The following GLDC variants were observed in gnomAD, a reference collection of about 807,000 sequenced individuals.
GLDC encodes glycine decarboxylase.
In GLDC, 104 loss-of-function variants were observed where a neutral mutation model predicts 121.3. That is an observed-to-expected ratio of 0.86 (90% confidence interval 0.73 to 1.01). The LOEUF (loss-of-function observed/expected upper bound fraction) is 1.01. GLDC is among the 50% of genes least tolerant of loss of function. The pLI, the probability that GLDC is intolerant of heterozygous loss-of-function variation, is 0.00. For missense variants in GLDC, 1,429 were observed against 1,306.6 expected, an observed-to-expected ratio of 1.09 and a Z score of -1.44; for synonymous variants, 546 against 480.6, an observed-to-expected ratio of 1.14 and a Z score of -1.78.
chr9:6,612,942 G>C (rs1331622585), intron 3 of GLDC, among the ~76,000 whole-genome samples: 2 of 152,178 alleles, frequency 1.3e-5, no homozygotes, highest in African/African-American at 2.4e-5. Flanking sequence ...ACTCCCGCCT[G>C]GGTGACGGGA....
At chr9:6,543,289 G>A (rs976656272) in intron 21 of GLDC, among the ~76,000 whole-genome samples, 1 of 152,088 alleles carries the variant, frequency 6.6e-6, no homozygotes, top group Non-Finnish European at 1.5e-5. Flanking sequence ...AAAACAAAAT[G>A]CCCTGATTGT....
chr9:6,561,914 C>T (rs1817767220), intron 16 of GLDC, among the ~76,000 whole-genome samples: 1 of 152,082 alleles, frequency 6.6e-6, no homozygotes, highest in African/African-American at 2.4e-5. Flanking sequence ...AACCAAAGGC[C>T]ACTACTTTGT....
At chr9:6,636,032 C>T (rs1325663714) in intron 2 of GLDC, among the ~76,000 whole-genome samples, 1 of 152,000 alleles carries the variant, frequency 6.6e-6, no homozygotes, top group Non-Finnish European at 1.5e-5. Flanking sequence ...AGGCCAGGCG[C>T]AGTGGCTCAC....
At chr9:6,563,730 G>C (rs1320995996) in intron 16 of GLDC, among the ~76,000 whole-genome samples, 1 of 152,214 alleles carries the variant, frequency 6.6e-6, no homozygotes, top group Non-Finnish European at 1.5e-5. Context: ...TTCAGGGTCT[G>C]TGTCTGTCTG....
intron 16 of GLDC, among the ~76,000 whole-genome samples, chr9:6,559,844 G>T (rs1396975769): frequency 6.6e-6 from 1 of 151,884 alleles, no homozygotes; most frequent in Non-Finnish European, 1.5e-5. Context: ...AAATAAAAAT[G>T]ACCAACCCCT....
At chr9:6,640,892 A>G (rs1014427765) in intron 2 of GLDC, among the ~76,000 whole-genome samples, 3 of 152,228 alleles carry the variant, frequency 2.0e-5, no homozygotes, top group African/African-American at 7.2e-5. Context: ...AAGGAAAGCT[A>G]AAACCACTAA....
intron 2 of GLDC, among the ~76,000 whole-genome samples, chr9:6,630,017 T>A (rs907841177): frequency 1.5e-4 from 21 of 137,710 alleles, no homozygotes; most frequent in African/African-American, 6.1e-4. Flanking sequence ...TTCAAACTCC[T>A]GAACTCAAGC....
intron 16 of GLDC, among the ~76,000 whole-genome samples, chr9:6,564,217 C>T (rs1456240569): frequency 6.7e-6 from 1 of 149,906 alleles, no homozygotes; most frequent in African/African-American, 2.5e-5. Flanking sequence ...CATTGCACTC[C>T]AGCCTGGGGA....
At chr9:6,575,872 G>C (rs1445225848) in intron 15 of GLDC, among the ~76,000 whole-genome samples, 1 of 152,210 alleles carries the variant, frequency 6.6e-6, no homozygotes, top group African/African-American at 2.4e-5. Flanking sequence ...TGGAGAAAAA[G>C]CTGAAGCAAG....
At chr9:6,598,203 CT>C (rs144626062) in intron 8 of GLDC, among the ~76,000 whole-genome samples, 3,538 of 151,984 alleles carry the variant, frequency 0.023, 135 homozygotes, top group African/African-American at 0.08. Flanking sequence ...AATTTTTGTA[CT>C]TTTTTTATAT....
intron 8 of GLDC, among the ~76,000 whole-genome samples, chr9:6,600,748 C>T (rs1263224585): frequency 6.6e-6 from 1 of 152,094 alleles, no homozygotes; most frequent in Non-Finnish European, 1.5e-5. Flanking sequence ...GAGTGGGCCT[C>T]CAACTGATCC....
chr9:6,634,134 C>T (rs1009253896), intron 2 of GLDC, among the ~76,000 whole-genome samples: 4 of 151,848 alleles, frequency 2.6e-5, no homozygotes, highest in African/African-American at 7.3e-5. Context: ...CCGGCAGAGG[C>T]GGGAGAATCT....
chr9:6,592,313 T>G (rs1157740804), intron 10 of GLDC, 90 bp from the exon 11 acceptor site: 4 of 817,324 alleles, frequency 4.9e-6, no homozygotes, highest in Non-Finnish European at 8.5e-6. Context: ...GAGACAGTGC[T>G]AAACAAAATC....
At chr9:6,601,514 G>A (rs140220400) in intron 8 of GLDC, among the ~76,000 whole-genome samples, 54 of 151,884 alleles carry the variant, frequency 3.6e-4, no homozygotes, top group African/African-American at 1.3e-3. Flanking sequence ...AACAAATAAT[G>A]CTTTTTATTT....
At chr9:6,543,821 A>G (rs1817325086) in intron 21 of GLDC, among the ~76,000 whole-genome samples, 2 of 151,630 alleles carry the variant, frequency 1.3e-5, no homozygotes, top group African/African-American at 4.9e-5. Context: ...TTAACAGAGT[A>G]GGTGTTTCTG....
intron 2 of GLDC, among the ~76,000 whole-genome samples, chr9:6,641,427 G>A (rs2130018536): frequency 6.6e-6 from 1 of 152,320 alleles, no homozygotes; most frequent in South Asian, 2.1e-4. Context: ...GGATATTCCA[G>A]GTGAGTCAGG....
chr9:6,634,332 C>T (rs1012686498), intron 2 of GLDC, among the ~76,000 whole-genome samples: 1 of 151,980 alleles, frequency 6.6e-6, no homozygotes, highest in Non-Finnish European at 1.5e-5. Flanking sequence ...AGTTCAAGAC[C>T]AGCCTGGGCA....
At chr9:6,614,727 C>A (rs114943812) in intron 3 of GLDC, among the ~76,000 whole-genome samples, 1,972 of 152,152 alleles carry the variant, frequency 0.013, 33 homozygotes, top group African/African-American at 0.045. Flanking sequence ...CATGGCTTAA[C>A]AGAAATATGC....
intron 9 of GLDC, among the ~76,000 whole-genome samples, chr9:6,593,268 G>GATATATAT (rs34438524): frequency 2.8e-5 from 4 of 143,918 alleles, no homozygotes; most frequent in African/African-American, 5.2e-5. Flanking sequence ...GGTAGTATCA[G>GATATATAT]ATATATATAT....
Sources: gnomAD v4.1 joint callset for allele counts (sites outside exome capture counted in the v4.1 genomes callset) on GRCh38, gnomAD v4.1.1 for gene constraint, MANE v1.5 for transcripts, NCBI Gene and HGNC (gene_info 2026-07-23, HGNC 2026-07-21) for gene names.